Variants in LRRC3B observed in about 807,000 individuals in gnomAD.
LRRC3B encodes leucine rich repeat containing 3B.
LRRC3B carries 2 observed loss-of-function variants against 12.8 expected under a neutral mutation model. The ratio of observed to expected loss-of-function variants is 0.16; its 90% CI spans 0.06 to 0.49. The LOEUF (loss-of-function observed/expected upper bound fraction) is 0.49. LRRC3B is among the 20% of genes least tolerant of loss of function. LRRC3B has a pLI of 0.96. For missense variants in LRRC3B, 189 were observed against 319.4 expected (o/e 0.59, Z 3.11); for synonymous variants, 132 against 122.0 (o/e 1.08, Z -0.54).
chr3:26,709,432 C>G, intron 1 of LRRC3B, 81 bp from the exon 2 acceptor site: 1 of 527,202 alleles, frequency 1.9e-6, no homozygotes, highest in Non-Finnish European at 3.4e-6. Flanking sequence ...AAGCAGAATG[C>G]CAGACACCTG....
intron 1 of LRRC3B, among the ~76,000 whole-genome samples, chr3:26,663,110 A>G (rs1223258434): frequency 6.6e-6 from 1 of 152,184 alleles, no homozygotes. Flanking sequence ...AGGCCCTCTC[A>G]TGCACGATTC....
chr3:26,627,638 C>T (rs944737368), intron 1 of LRRC3B, among the ~76,000 whole-genome samples: 14 of 151,928 alleles, frequency 9.2e-5, no homozygotes, highest in African/African-American at 3.4e-4. Context: ...CCTTTTTTTC[C>T]TACCCTCGAC....
intron 1 of LRRC3B, among the ~76,000 whole-genome samples, chr3:26,683,550 A>G (rs933678367): frequency 3.9e-5 from 6 of 152,206 alleles, no homozygotes; most frequent in Non-Finnish European, 7.3e-5. Context: ...GTTGAACTCA[A>G]ATGAGGAATA....
chr3:26,646,611 A>AAC (rs1699152517), intron 1 of LRRC3B, among the ~76,000 whole-genome samples: 2 of 62,792 alleles, frequency 3.2e-5, no homozygotes, highest in Non-Finnish European at 9.2e-5. Flanking sequence ...AAAAAAAAAA[A>AAC]AAAAAAAAAA....
intron 1 of LRRC3B, among the ~76,000 whole-genome samples, chr3:26,693,935 G>A (rs1700247550): frequency 6.6e-6 from 1 of 152,182 alleles, no homozygotes; most frequent in Admixed American, 6.5e-5. Flanking sequence ...TCTAGTTTAA[G>A]TCCAGGGACA....
At chr3:26,673,479 G>T (rs12496139) in intron 1 of LRRC3B, among the ~76,000 whole-genome samples, 15,917 of 152,242 alleles carry the variant, frequency 0.1, 1,043 homozygotes, top group South Asian at 0.21. Flanking sequence ...GCTTGGGGAG[G>T]TTTTGAGAAG....
intron 1 of LRRC3B, among the ~76,000 whole-genome samples, chr3:26,670,387 G>A (rs1699695245): frequency 6.6e-6 from 1 of 152,126 alleles, no homozygotes; most frequent in Non-Finnish European, 1.5e-5. Context: ...GATCATAATA[G>A]ATTATACAGT....
intron 1 of LRRC3B, among the ~76,000 whole-genome samples, chr3:26,644,396 G>A (rs867051739): frequency 6.6e-6 from 1 of 152,178 alleles, no homozygotes; most frequent in Admixed American, 6.5e-5. Flanking sequence ...GAGAATCTGA[G>A]TTATTTCACA....
At chr3:26,682,675 C>G (rs1243803671) in intron 1 of LRRC3B, among the ~76,000 whole-genome samples, 1 of 152,204 alleles carries the variant, frequency 6.6e-6, no homozygotes, top group African/African-American at 2.4e-5. Context: ...GTGGGGCTGT[C>G]ATTCACTTTT....
At chr3:26,654,686 G>T (rs1188353501) in intron 1 of LRRC3B, among the ~76,000 whole-genome samples, 1 of 152,198 alleles carries the variant, frequency 6.6e-6, no homozygotes, top group Non-Finnish European at 1.5e-5. Flanking sequence ...GCATAAAGGA[G>T]CAGCAGGGGA....
intron 1 of LRRC3B, among the ~76,000 whole-genome samples, chr3:26,670,834 G>T (rs1198413833): frequency 6.6e-6 from 1 of 152,046 alleles, no homozygotes. Context: ...TGGTATTGGG[G>T]ACATAATAAA....
chr3:26,706,122 C>CT (rs1295323324), intron 1 of LRRC3B, among the ~76,000 whole-genome samples: 1 of 152,140 alleles, frequency 6.6e-6, no homozygotes, highest in Non-Finnish European at 1.5e-5. Context: ...TCTCTTCTCT[C>CT]TGTTTCTTCA....
chr3:26,640,233 G>T (rs76916099), intron 1 of LRRC3B, among the ~76,000 whole-genome samples: 4,393 of 151,902 alleles, frequency 0.029, 125 homozygotes, highest in East Asian at 0.13. Context: ...TTCTTTTTAC[G>T]AGTGGTCCTC....
At chr3:26,633,288 CTG>C (rs1328851872) in intron 1 of LRRC3B, among the ~76,000 whole-genome samples, 1 of 152,138 alleles carries the variant, frequency 6.6e-6, no homozygotes, top group Non-Finnish European at 1.5e-5. Context: ...GAGTGAGTGA[CTG>C]TGGGAAATTT....
At chr3:26,674,204 A>G (rs1327625704) in intron 1 of LRRC3B, among the ~76,000 whole-genome samples, 9 of 152,246 alleles carry the variant, frequency 5.9e-5, no homozygotes, top group Non-Finnish European at 8.8e-5. Flanking sequence ...TAATCAATCA[A>G]TGGAGAAGAT....
intron 1 of LRRC3B, among the ~76,000 whole-genome samples, chr3:26,664,672 A>G (rs1166035734): frequency 6.6e-6 from 1 of 152,146 alleles, no homozygotes; most frequent in East Asian, 1.9e-4. Flanking sequence ...TGTGCTATCG[A>G]GAGAGACCCA....
intron 1 of LRRC3B, among the ~76,000 whole-genome samples, chr3:26,669,392 C>T (rs953654818): frequency 1.3e-5 from 2 of 152,114 alleles, no homozygotes; most frequent in African/African-American, 4.8e-5. Context: ...GGGCCTTCTT[C>T]CATAATTGGA....
chr3:26,685,177 T>G (rs544436327), intron 1 of LRRC3B, among the ~76,000 whole-genome samples: 57 of 152,158 alleles, frequency 3.7e-4, no homozygotes, highest in African/African-American at 1.2e-3. Flanking sequence ...GGTCTCGAAC[T>G]CCCGACCTCA....
At position 26,710,336 on chromosome 3, in the gene LRRC3B, G is replaced by T. The variant is rs956953900; in HGVS notation, c.664G>T (p.Val222Leu). 2 of 1,613,902 alleles carry T rather than the reference G, an allele frequency of 1.2e-6. No individual in the cohort carries two copies. Among genetic ancestry groups the T allele is most frequent in the African/African-American group, 1.3e-5 (1 of 74,924 alleles). The stretch of plus-strand genomic sequence containing the variant: ...GTTCACTATGGTGATCTCATATGTG[G>T]TATATTATGTGAGGCAAAATCAGGA... The change falls in exon 2 of 2, where the codon GTA (valine) becomes TTA (leucine). Residue 222 changes from valine (V) to leucine (L), a missense_variant. Val to Leu is a conservative substitution (Grantham distance 32). Coordinates refer to ENST00000396641, the Ensembl canonical transcript of LRRC3B.
Sources: allele counts gnomAD v4.1 joint callset (sites outside exome capture counted in the v4.1 genomes callset), GRCh38; gene constraint gnomAD v4.1.1; transcripts MANE v1.5; gene names NCBI Gene and HGNC (gene_info 2026-07-23, HGNC 2026-07-21).